Variants in TULP4 observed in about 807,000 individuals in gnomAD.
The protein encoded by TULP4 is TUB like protein 4.
A neutral mutation model predicts 129.0 loss-of-function variants in TULP4; 16 were observed. The observed-to-expected ratio is 0.12, with a 90% CI of 0.08 to 0.19. The LOEUF is 0.19. Among genes scored for constraint, TULP4 ranks in the 10% least tolerant of loss-of-function variants. TULP4 has a pLI of 1.00. For synonymous variants in TULP4, 998 were observed against 854.0 expected (o/e 1.17, Z -2.94); for missense variants, 1,842 against 2,059.1 (o/e 0.89, Z 2.04).
chr6:158,488,639 C>T (rs1224238989), intron 8 of TULP4, among the ~76,000 whole-genome samples: 7 of 152,320 alleles, frequency 4.6e-5, no homozygotes, highest in Non-Finnish European at 8.8e-5. Context: ...GGTAAGATCA[C>T]TCACATTATG....
intron 1 of TULP4, among the ~76,000 whole-genome samples, chr6:158,288,866 C>T (rs1193530907): frequency 6.6e-6 from 1 of 152,128 alleles, no homozygotes; most frequent in Non-Finnish European, 1.5e-5. Flanking sequence ...GCTCTTTACT[C>T]TTTTAGTATG....
chr6:158,272,878 G>C (rs750503562), intron 1 of TULP4, among the ~76,000 whole-genome samples: 2 of 152,204 alleles, frequency 1.3e-5, no homozygotes, highest in East Asian at 3.8e-4. Context: ...CTAAGGAAAC[G>C]ATCAATATGT....
chr6:158,365,875 C>CT (rs765731288), intron 1 of TULP4, among the ~76,000 whole-genome samples: 164 of 71,128 alleles, frequency 2.3e-3, no homozygotes, highest in African/African-American at 5.8e-3. Context: ...GTTCGTTTTT[C>CT]TTTTTTTTTT....
At chr6:158,256,025 A>G (rs1778235478) in intron 1 of TULP4, among the ~76,000 whole-genome samples, 1 of 152,150 alleles carries the variant, frequency 6.6e-6, no homozygotes, top group Admixed American at 6.5e-5. Context: ...TATAGGTTTA[A>G]GTACTGGGCT....
chr6:158,301,839 A>G (rs1779137231), intron 1 of TULP4, among the ~76,000 whole-genome samples: 1 of 151,490 alleles, frequency 6.6e-6, no homozygotes, highest in Admixed American at 6.6e-5. Flanking sequence ...CAGCATAGAA[A>G]ACAAGTTAGA....
At chr6:158,477,409 AT>A (rs1779847635) in intron 6 of TULP4, among the ~76,000 whole-genome samples, 1 of 152,166 alleles carries the variant, frequency 6.6e-6, no homozygotes, top group African/African-American at 2.4e-5. Context: ...GGTTGTGCTC[AT>A]TGAAAACTGT....
At chr6:158,267,923 GA>G (rs1778477167) in intron 1 of TULP4, among the ~76,000 whole-genome samples, 1 of 151,984 alleles carries the variant, frequency 6.6e-6, no homozygotes, top group African/African-American at 2.4e-5. Context: ...TAGAAATTGA[GA>G]AGGGTTTATC....
chr6:158,435,670 C>T (rs950513651), intron 3 of TULP4, among the ~76,000 whole-genome samples: 6 of 152,256 alleles, frequency 3.9e-5, no homozygotes, highest in East Asian at 1.9e-4. Flanking sequence ...ACCTATCCCG[C>T]GCTCATCGCT....
At chr6:158,312,029 A>AT (rs1779365806), upstream of TULP4, 1 of 312,152 alleles carries the variant, frequency 3.2e-6, no homozygotes, top group Non-Finnish European at 5.2e-6. Context: ...TAAATTTTAT[A>AT]TCTTTTTTTT....
At chr6:158,454,085 C>A (rs1016466975) in intron 5 of TULP4, among the ~76,000 whole-genome samples, 2 of 143,264 alleles carry the variant, frequency 1.4e-5, no homozygotes, top group South Asian at 2.3e-4. Flanking sequence ...TATTACATAC[C>A]CTCTTTTGGG....
At chr6:158,363,036 TG>T (rs1233714209) in intron 1 of TULP4, among the ~76,000 whole-genome samples, 1 of 109,662 alleles carries the variant, frequency 9.1e-6, no homozygotes, top group African/African-American at 3.7e-5. Context: ...CACTCTAGCC[TG>T]GGGGGACAGA....
chr6:158,322,055 A>G (rs1196986353), intron 1 of TULP4, among the ~76,000 whole-genome samples: 1 of 152,192 alleles, frequency 6.6e-6, no homozygotes, highest in African/African-American at 2.4e-5. Flanking sequence ...CACTGTGCAT[A>G]GTGATGACCA....
At chr6:158,318,953 C>A (rs1360422122) in intron 1 of TULP4, among the ~76,000 whole-genome samples, 2 of 148,722 alleles carry the variant, frequency 1.3e-5, no homozygotes, top group Non-Finnish European at 3.0e-5. Context: ...GCTGTGTTGC[C>A]CAGGCTGGTC....
rs1219545073 is a variant in TULP4, at chr6:158,313,565, T to G, written c.-452T>G. On this transcript the variant is annotated 5_prime_UTR_variant, in exon 1 of 14. Coordinates refer to ENST00000367097, the MANE Select transcript of TULP4 (RefSeq NM_020245.5). ...TCGAGCTAGAGGGATTCTTAAAGCC[T>G]TAAGTTACTTGAAATCTATGTATTT... The G allele has an allele frequency of 1.2e-5, 5 of 407,208 alleles. No homozygotes were observed. Among genetic ancestry groups the G allele is most frequent in the East Asian group, 3.5e-5 (1 of 28,298 alleles). 25.2% of individuals were successfully genotyped at this position (407,208 alleles called of 1,614,324 possible).
chr6:158,379,720 G>A (rs529534389), intron 1 of TULP4, among the ~76,000 whole-genome samples: 1 of 152,076 alleles, frequency 6.6e-6, no homozygotes, highest in African/African-American at 2.4e-5. Context: ...CATGCTTCTC[G>A]ATCAGGACAA....
intron 3 of TULP4, among the ~76,000 whole-genome samples, chr6:158,440,509 G>A (rs774148556): frequency 6.6e-6 from 1 of 152,104 alleles, no homozygotes; most frequent in African/African-American, 2.4e-5. Flanking sequence ...CTAAGCCAAC[G>A]CAAAGAGTGA....
At chr6:158,419,830 AC>A (rs1244241188) in intron 2 of TULP4, among the ~76,000 whole-genome samples, 4 of 152,252 alleles carry the variant, frequency 2.6e-5, no homozygotes, top group African/African-American at 2.4e-5. Flanking sequence ...AGTGAAGGAA[AC>A]TAATAGAACT....
In TULP4 at chr6:158,501,777, A is replaced by G. The variant is rs1225135825; in HGVS notation, c.2114A>G (p.Gln705Arg). The G allele has an allele frequency of 6.2e-7, 1 of 1,614,024 alleles. No individual in the cohort carries two copies. Among genetic ancestry groups the G allele is most frequent in the African/African-American group, 1.3e-5 (1 of 74,902 alleles). ...TCGGCTCAGGCTATGTCCCCCACGC[A>G]GAGCATAGGGCTGGTGCAGTCCCTA... The part of the protein sequence containing the change: ...HSSAQAMSPT[Q>R]SIGLVQSLLA... The change falls in exon 13 of 14, where the codon CAG (glutamine) becomes CGG (arginine). Residue 705 changes from glutamine to arginine, a missense_variant. Gln to Arg is a conservative substitution (Grantham distance 43). Coordinates refer to ENST00000367097, the MANE Select transcript of TULP4 (RefSeq NM_020245.5).
At chr6:158,309,915 A>AG (rs1369630247), upstream of TULP4, among the ~76,000 whole-genome samples, 6 of 37,100 alleles carry the variant, frequency 1.6e-4, no homozygotes, top group African/African-American at 8.3e-4. Flanking sequence ...GGAGAGGGAG[A>AG]GGGGGAGGGG....
Sources: allele counts gnomAD v4.1 joint callset (sites outside exome capture counted in the v4.1 genomes callset), GRCh38; gene constraint gnomAD v4.1.1; transcripts MANE v1.5; gene names NCBI Gene and HGNC (gene_info 2026-07-23, HGNC 2026-07-21).